Variants in TEAD1 observed in about 807,000 individuals in gnomAD.
TEAD1 encodes the protein transcriptional enhancer factor TEF-1.
TEAD1 carries 9 observed loss-of-function variants against 54.9 expected under a neutral mutation model. The observed-to-expected ratio is 0.16, with a 90% confidence interval of 0.10 to 0.29. The LOEUF is 0.29. Among genes scored for constraint, TEAD1 ranks in the 10% least tolerant of loss-of-function variants. The pLI is 1.00. For missense variants in TEAD1, 387 were observed against 535.9 expected, an observed-to-expected ratio of 0.72 and a Z score of 2.74; for synonymous variants, 200 against 187.8, an observed-to-expected ratio of 1.07 and a Z score of -0.53.
chr11:12,828,782 A>G (rs1182547433), intron 3 of TEAD1, among the ~76,000 whole-genome samples: 1 of 99,698 alleles, frequency 1.0e-5, no homozygotes, highest in East Asian at 2.9e-4. Context: ...CTTGTTTCTT[A>G]TTGATTTGCA....
intron 5 of TEAD1, among the ~76,000 whole-genome samples, chr11:12,878,132 G>T (rs1947892601): frequency 6.6e-6 from 1 of 152,018 alleles, no homozygotes; most frequent in Admixed American, 6.5e-5. Context: ...TTCTTTATTG[G>T]CTCTTTTTCA....
At chr11:12,934,145 C>T (rs1049958114) in intron 12 of TEAD1, among the ~76,000 whole-genome samples, 1 of 152,126 alleles carries the variant, frequency 6.6e-6, no homozygotes, top group Non-Finnish European at 1.5e-5. Flanking sequence ...CCCAAATGTC[C>T]AACAGTGATA....
intron 2 of TEAD1, among the ~76,000 whole-genome samples, chr11:12,700,391 G>T (rs1943673557): frequency 2.0e-5 from 3 of 152,086 alleles, no homozygotes; most frequent in Non-Finnish European, 4.4e-5. Context: ...TGCACTTTAT[G>T]GACAGGAATA....
intron 3 of TEAD1, among the ~76,000 whole-genome samples, chr11:12,840,902 G>T (rs1947024787): frequency 6.6e-6 from 1 of 152,180 alleles, no homozygotes; most frequent in African/African-American, 2.4e-5. Context: ...CTGGAAATTT[G>T]CCCTCCCTGT....
chr11:12,819,450 T>G (rs1474605094), intron 3 of TEAD1, among the ~76,000 whole-genome samples: 3 of 151,992 alleles, frequency 2.0e-5, no homozygotes, highest in East Asian at 1.9e-4. Flanking sequence ...GGTAACAAAG[T>G]TTTTTGTTTT....
intron 9 of TEAD1, among the ~76,000 whole-genome samples, chr11:12,896,409 C>T (rs1948317087): frequency 6.6e-6 from 1 of 152,170 alleles, no homozygotes; most frequent in Non-Finnish European, 1.5e-5. Context: ...TAGGAACATA[C>T]CCTCCTATAG....
chr11:12,698,782 T>G (rs1943638438), intron 2 of TEAD1, among the ~76,000 whole-genome samples: 1 of 152,160 alleles, frequency 6.6e-6, no homozygotes, highest in African/African-American at 2.4e-5. Flanking sequence ...AAATTCCAGG[T>G]AATTAGGGCA....
At chr11:12,699,807 A>C (rs1943659751) in intron 2 of TEAD1, among the ~76,000 whole-genome samples, 1 of 152,216 alleles carries the variant, frequency 6.6e-6, no homozygotes, top group African/African-American at 2.4e-5. Context: ...GATCGATGAC[A>C]TGTCGAATTG....
In TEAD1 at chr11:12,937,478, G is replaced by C. The variant is rs1184392266; in HGVS notation, c.*256G>C. ...TTGAGTTGTTTCTCTATGTTCTTCA[G>C]ATGTGCAGCCCACAATTCCTCGGGA... On this transcript the variant is annotated 3_prime_UTR_variant, in exon 13 of 13. Coordinates refer to ENST00000527636, the MANE Select transcript of TEAD1 (RefSeq NM_021961.6). 2.9e-6 allele frequency: 1 copy of C among 344,892 alleles called. No homozygotes were observed. The highest frequency in any genetic ancestry group is 5.5e-6 in the Non-Finnish European group (1 of 183,230). The allele number at this position is 344,892 out of a possible 1,614,324, so 21.4% of individuals were successfully genotyped here. A position where few individuals can be genotyped will look rare whatever the true frequency, so the allele number is the denominator to read the frequency against.
chr11:12,677,346 A>AT (rs924901437), intron 2 of TEAD1, among the ~76,000 whole-genome samples: 2 of 150,010 alleles, frequency 1.3e-5, no homozygotes, highest in African/African-American at 4.9e-5. Flanking sequence ...CTAATTACAC[A>AT]TAAGGGCGGG....
intron 3 of TEAD1, among the ~76,000 whole-genome samples, chr11:12,795,381 T>C (rs1051979420): frequency 2.0e-5 from 3 of 152,190 alleles, no homozygotes; most frequent in South Asian, 2.1e-4. Context: ...AAATTTGAGG[T>C]GTACTGAGGG....
intron 10 of TEAD1, among the ~76,000 whole-genome samples, chr11:12,915,412 C>T (rs1026558277): frequency 3.9e-5 from 6 of 152,210 alleles, no homozygotes; most frequent in African/African-American, 9.6e-5. Flanking sequence ...GCCTAGCACC[C>T]GCCTCCAAGG....
intron 2 of TEAD1, among the ~76,000 whole-genome samples, chr11:12,742,489 T>C (rs1944667449): frequency 6.6e-6 from 1 of 152,072 alleles, no homozygotes; most frequent in Non-Finnish European, 1.5e-5. Context: ...AAAGTTTCTC[T>C]TAGGAGGAAT....
intron 3 of TEAD1, among the ~76,000 whole-genome samples, chr11:12,810,232 A>G (rs755552315): frequency 3.3e-5 from 5 of 151,424 alleles, no homozygotes; most frequent in African/African-American, 7.3e-5. Flanking sequence ...GCCCACCTCA[A>G]CCTCCCAAAG....
chr11:12,686,664 C>G (rs1444857659), intron 2 of TEAD1, among the ~76,000 whole-genome samples: 1 of 152,064 alleles, frequency 6.6e-6, no homozygotes, highest in African/African-American at 2.4e-5. Flanking sequence ...TTCAAACTCA[C>G]TTACCTTTGT....
At chr11:12,849,923 A>G (rs56117172) in intron 3 of TEAD1, among the ~76,000 whole-genome samples, 1 of 152,218 alleles carries the variant, frequency 6.6e-6, no homozygotes, top group Admixed American at 6.5e-5. Flanking sequence ...CTTGGAAACA[A>G]TTTTTAGGAC....
At chr11:12,837,897 A>G (rs147127032) in intron 3 of TEAD1, among the ~76,000 whole-genome samples, 1 of 150,560 alleles carries the variant, frequency 6.6e-6, no homozygotes, top group Non-Finnish European at 1.5e-5. Context: ...CTGCCTCCAG[A>G]GTTCAAGCGA....
chr11:12,691,421 G>A (rs1943455243), intron 2 of TEAD1, among the ~76,000 whole-genome samples: 1 of 152,092 alleles, frequency 6.6e-6, no homozygotes, highest in Admixed American at 6.5e-5. Flanking sequence ...TGTGTGCTAG[G>A]TTCTCTGCTT....
intron 2 of TEAD1, among the ~76,000 whole-genome samples, chr11:12,746,727 C>T (rs1156586916): frequency 1.3e-5 from 2 of 152,210 alleles, no homozygotes; most frequent in Non-Finnish European, 2.9e-5. Context: ...TAGGCAGGCC[C>T]ACTGTTATTT....
Sources: allele counts gnomAD v4.1 joint callset (sites outside exome capture counted in the v4.1 genomes callset), GRCh38; gene constraint gnomAD v4.1.1; transcripts MANE v1.5; gene names NCBI Gene and HGNC (gene_info 2026-07-23, HGNC 2026-07-21).